CLPTM1: variants seen among roughly 807,000 people sequenced by gnomAD.
The protein encoded by CLPTM1 is putative lipid scramblase CLPTM1.
Under a neutral mutation model 77.3 loss-of-function variants are expected in CLPTM1, and 21 were observed. The observed-to-expected ratio is 0.27, with a 90% CI of 0.19 to 0.39. The LOEUF is 0.39. Ranked by LOEUF, CLPTM1 falls within the 10% of genes least tolerant of loss-of-function variation. CLPTM1 has a pLI of 1.00. For synonymous variants in CLPTM1, 373 were observed against 381.0 expected, an observed-to-expected ratio of 0.98 and a Z score of 0.24; for missense variants, 642 against 921.2, an observed-to-expected ratio of 0.70 and a Z score of 3.92.
At chr19:44,989,272 T>TAGCG (rs1364916696) in intron 9 of CLPTM1, among the ~76,000 whole-genome samples, 3 of 152,222 alleles carry the variant, frequency 2.0e-5, no homozygotes, top group Non-Finnish European at 4.4e-5. Flanking sequence ...CTACCAGCTG[T>TAGCG]CGCTGGGAGA....
intron 4 of CLPTM1, 121 bp from the exon 5 acceptor site, chr19:44,977,222 T>C (rs1388050798): frequency 1.3e-6 from 1 of 754,460 alleles, no homozygotes; most frequent in Non-Finnish European, 2.3e-6. Flanking sequence ...CCCTGAGTAC[T>C]CAGTAAATGG....
rs545602437 is a variant in CLPTM1, at chr19:44,992,717, C to T, written c.1830C>T (p.Pro610=). The change falls in exon 14 of 14, where the codon CCC becomes CCT. Residue 610 remains proline, a synonymous_variant. Transcript: ENST00000337392. The surrounding 1 kb of genome is among the most constrained non-coding windows in gnomAD (Gnocchi z 7.7). ...GAGAAGACCCCACAGCTGCCGCCCCCGTGGCCGAGGTTCCCACAGCAGCAG... is the reference window on the plus strand; with the variant it reads ...GAGAAGACCCCACAGCTGCCGCCCCTGTGGCCGAGGTTCCCACAGCAGCAG... The part of the protein sequence containing the change: ...MSGEDPTAAA[P]VAEVPTAAGA... 1.4e-4 allele frequency: 218 copies of T among 1,613,524 alleles called. No individual in the cohort carries two copies. In the South Asian group the frequency reaches 2.0e-3, roughly 15 times the overall value.
In CLPTM1 at chr19:44,955,465, C is replaced by A; in HGVS notation, c.70C>A (p.Gln24Lys). Reference sequence around the variant, plus strand: ...GGCGGCCGGGGGAGGCAGCTCCGGTCAGGTACGGAGGCCGAGAGGGGACTG... The same window carrying A: ...GGCGGCCGGGGGAGGCAGCTCCGGTAAGGTACGGAGGCCGAGAGGGGACTG... ...VVAAGGGSSG[Q>K]VTSNGSIGRD... Residue 24 changes from glutamine to lysine, a missense_variant and splice_region_variant, in exon 1 of 14, where the codon CAG (glutamine) becomes AAG (lysine). Around this residue, in one of 2 missense-constraint regions of CLPTM1, gnomAD observed 121 missense variants for 120.8 expected, o/e 1.00. Coordinates refer to ENST00000337392, the MANE Select transcript of CLPTM1 (RefSeq NM_001294.4). 7.6e-7 allele frequency: 1 copy of A among 1,324,430 alleles called. No homozygotes were observed. Among genetic ancestry groups the A allele is most frequent in the Non-Finnish European group, 9.6e-7 (1 of 1,038,178 alleles). The allele number at this position is 1,324,430 out of a possible 1,614,324, so 82.0% of individuals were successfully genotyped here. A position where few individuals can be genotyped will look rare whatever the true frequency, so the allele number is the denominator to read the frequency against.
rs376216912 is a variant in CLPTM1 at position 44,981,269 on chromosome 19, G to A, written c.586+3809G>A. 6.6e-4 allele frequency among the ~76,000 whole-genome samples: 101 copies of A among 152,208 alleles called. 2 individuals carry two copies. The East Asian group carries it at 0.012, about 18-fold the overall frequency. On this transcript the variant is annotated intron_variant, in intron 5 of 13. Coordinates refer to ENST00000337392, the MANE Select transcript of CLPTM1 (RefSeq NM_001294.4). The stretch of plus-strand genomic sequence containing the variant: ...AAGCAATTCTGCCTCAGCCTCCCAA[G>A]TAGCTGGGATTACAGTCATGTGTCA...
At chr19:44,987,784 T>C in intron 8 of CLPTM1, 1 of 560,288 alleles carries the variant, frequency 1.8e-6, no homozygotes, top group East Asian at 3.0e-5. Flanking sequence ...CGGCTTTGCC[T>C]CCTGGGCTGT....
rs150669713 is a variant in CLPTM1 at position 44,968,919 on chromosome 19, G to A, written c.186-4168G>A. Among the ~76,000 whole-genome samples the A allele has an allele frequency of 1.2e-3, 186 of 152,320 alleles. 2 individuals are homozygous for A. Among genetic ancestry groups the A allele is most frequent in the African/African-American group, 3.8e-3 (156 of 41,572 alleles). On this transcript the variant is annotated intron_variant, in intron 2 of 13. Coordinates refer to ENST00000337392, the MANE Select transcript of CLPTM1 (RefSeq NM_001294.4). ...TGGGGAGGTAGCGATGGCTCAGCTG[G>A]ACCGTGGCCCCTAAGACCCTGGACC...
At chr19:44,970,946 C>G (rs1315848853) in intron 2 of CLPTM1, among the ~76,000 whole-genome samples, 1 of 145,660 alleles carries the variant, frequency 6.9e-6, no homozygotes, top group Non-Finnish European at 1.5e-5. Flanking sequence ...TTCTCCTGCC[C>G]CAGCTTCCCG....
intron 2 of CLPTM1, 140 bp from the exon 3 acceptor site, chr19:44,972,947 C>T: frequency 8.5e-7 from 1 of 1,175,358 alleles, no homozygotes; most frequent in African/African-American, 1.5e-5. Flanking sequence ...AGCCCTGTGA[C>T]TACCTTCTCA....
chr19:44,974,664 G>A, intron 4 of CLPTM1, 67 bp downstream of exon 4: 2 of 1,555,086 alleles, frequency 1.3e-6, no homozygotes, highest in South Asian at 1.2e-5. Flanking sequence ...TTTTCCTCCA[G>A]TCCGCTCCTT....
At position 44,986,442 on chromosome 19, in the gene CLPTM1, C is replaced by G. The variant is rs187450949; in HGVS notation, c.673-13C>G. The G allele has an allele frequency of 9.9e-6, 16 of 1,613,172 alleles. No homozygotes were observed. The East Asian group carries it at 2.7e-4, about 27-fold the overall frequency. Reference sequence around the variant, plus strand: ...CACCTGCCTCTGAGGTCCTTCCCCCCATGTTGCCTCAGAGGGCTGAGGACT... The same window carrying G: ...CACCTGCCTCTGAGGTCCTTCCCCCGATGTTGCCTCAGAGGGCTGAGGACT... On this transcript the variant is annotated splice_polypyrimidine_tract_variant and intron_variant, in intron 6 of 13. Transcript: ENST00000337392.
rs1568388733 is a variant in CLPTM1 at position 44,986,436 on chromosome 19, T to C, written c.673-19T>C. Reference sequence around the variant, plus strand: ...CACTTCCACCTGCCTCTGAGGTCCTTCCCCCCATGTTGCCTCAGAGGGCTG... The same window carrying C: ...CACTTCCACCTGCCTCTGAGGTCCTCCCCCCCATGTTGCCTCAGAGGGCTG... On this transcript the variant is annotated intron_variant, in intron 6 of 13. Coordinates refer to ENST00000337392, the MANE Select transcript of CLPTM1 (RefSeq NM_001294.4). 4 of 1,612,438 alleles carry C rather than the reference T, an allele frequency of 2.5e-6. No individual in the cohort carries two copies. Among genetic ancestry groups the C allele is most frequent in the African/African-American group, 1.3e-5 (1 of 74,976 alleles).
At chr19:44,973,761 GTTT>G (rs71173113) in intron 3 of CLPTM1, among the ~76,000 whole-genome samples, 1 of 62,458 alleles carries the variant, frequency 1.6e-5, no homozygotes, top group African/African-American at 4.4e-5. Context: ...GTCACAGTGG[GTTT>G]TTTTTTTTTT....
chr19:44,969,480 C>T (rs993847546), intron 2 of CLPTM1, among the ~76,000 whole-genome samples: 4 of 152,126 alleles, frequency 2.6e-5, no homozygotes, highest in Admixed American at 6.5e-5. Flanking sequence ...TCATTTCTCT[C>T]TGATATACCA....
intron 1 of CLPTM1, among the ~76,000 whole-genome samples, 153 bp from the exon 2 acceptor site, chr19:44,961,810 C>T (rs533218597): frequency 1.3e-5 from 2 of 152,308 alleles, no homozygotes; most frequent in South Asian, 2.1e-4. Flanking sequence ...AGAAGAGGAC[C>T]GCACCTTCCC....
At chr19:44,973,452 A>C (rs1970754056) in intron 3 of CLPTM1, among the ~76,000 whole-genome samples, 1 of 152,224 alleles carries the variant, frequency 6.6e-6, no homozygotes, top group South Asian at 2.1e-4. Context: ...CATTTGGTTA[A>C]AATAGGTTAA....
chr19:44,967,258 G>A (rs1200126673), intron 2 of CLPTM1, among the ~76,000 whole-genome samples: 2 of 152,134 alleles, frequency 1.3e-5, no homozygotes, highest in African/African-American at 4.8e-5. Flanking sequence ...GGTCAAGGCT[G>A]CAATGGGCCG....
intron 2 of CLPTM1, among the ~76,000 whole-genome samples, chr19:44,966,851 T>G (rs781434885): frequency 4.6e-5 from 7 of 151,358 alleles, no homozygotes; most frequent in Non-Finnish European, 8.8e-5. Context: ...CTCTCTCTCT[T>G]TTTTTTGGGA....
chr19:44,973,298 A>C, intron 3 of CLPTM1, 88 bp downstream of exon 3: 1 of 1,570,448 alleles, frequency 6.4e-7, no homozygotes, highest in Non-Finnish European at 8.7e-7. Context: ...GTCGGGACAG[A>C]CCAGGTCCTT....
At chr19:44,972,670 C>T (rs1393240773) in intron 2 of CLPTM1, among the ~76,000 whole-genome samples, 2 of 151,070 alleles carry the variant, frequency 1.3e-5, no homozygotes. Context: ...TTTCTTTTTT[C>T]TTTTAATTCA....
Sources: allele counts gnomAD v4.1 joint callset (sites outside exome capture counted in the v4.1 genomes callset), GRCh38; gene constraint gnomAD v4.1.1; regional missense constraint gnomAD v4.1.1; non-coding constraint Gnocchi (gnomAD v3.1); transcripts MANE v1.5; gene names NCBI Gene and HGNC (gene_info 2026-07-23, HGNC 2026-07-21).